EYS: variants seen among roughly 807,000 people sequenced by gnomAD.
The protein encoded by EYS is EGF-like photoreceptor maintenance factor, also known as protein eyes shut homolog.
Under a neutral mutation model 282.1 loss-of-function variants are expected in EYS, and 250 were observed. The observed-to-expected ratio is 0.89, with a 90% CI of 0.80 to 0.98. The LOEUF (loss-of-function observed/expected upper bound fraction) is 0.98. Among genes scored for constraint, EYS ranks in the 50% least tolerant of loss-of-function variants. The pLI is 0.00. For synonymous variants in EYS, 1,355 were observed against 1,282.9 expected, an observed-to-expected ratio of 1.06 and a Z score of -1.20; for missense variants, 4,016 against 3,709.0, an observed-to-expected ratio of 1.08 and a Z score of -2.15.
intron 29 of EYS, among the ~76,000 whole-genome samples, chr6:64,329,814 G>T (rs1325351301): frequency 6.6e-6 from 1 of 152,164 alleles, no homozygotes; most frequent in East Asian, 1.9e-4. Flanking sequence ...AAATAAGGTT[G>T]CAGCTACATT....
chr6:65,567,353 A>T (rs1013115275), intron 2 of EYS, among the ~76,000 whole-genome samples: 25 of 150,878 alleles, frequency 1.7e-4, no homozygotes, highest in Middle Eastern at 3.5e-3. Context: ...AATGGTGACC[A>T]AAATGAAATG....
chr6:64,363,192 T>G (rs1430821215), intron 29 of EYS, among the ~76,000 whole-genome samples: 1 of 151,892 alleles, frequency 6.6e-6, no homozygotes, highest in Non-Finnish European at 1.5e-5. Flanking sequence ...CTGCATATAA[T>G]CAAGTGGTTT....
Position 63,726,950 on chromosome 6 carries a change from C to T in EYS, c.8072-270G>A, listed in dbSNP as rs556757759. On this transcript the variant is annotated intron_variant, in intron 41 of 42. Transcript: ENST00000503581. ...TTGGCCGATACTATCTGACACAAATCTTCTGCTCTAGATTGCATTATATAG... is the reference window on the plus strand; with the variant it reads ...TTGGCCGATACTATCTGACACAAATTTTCTGCTCTAGATTGCATTATATAG... Among the ~76,000 whole-genome samples the T allele has an allele frequency of 2.1e-3, 313 of 152,208 alleles. 1 individual carries two copies. The highest frequency in any genetic ancestry group is 4.0e-3 in the Non-Finnish European group (272 of 67,996).
At chr6:64,664,819 C>G (rs1284054771) in intron 22 of EYS, among the ~76,000 whole-genome samples, 1 of 152,158 alleles carries the variant, frequency 6.6e-6, no homozygotes, top group African/African-American at 2.4e-5. Context: ...TGATCTTGGA[C>G]TTCCCATCCT....
At chr6:63,772,238 G>A (rs1769949260) in intron 40 of EYS, among the ~76,000 whole-genome samples, 1 of 151,846 alleles carries the variant, frequency 6.6e-6, no homozygotes, top group Non-Finnish European at 1.5e-5. Context: ...TTGGCTCACT[G>A]CAGCCTCTGC....
intron 2 of EYS, among the ~76,000 whole-genome samples, chr6:65,588,597 T>G (rs890725296): frequency 5.9e-5 from 9 of 152,062 alleles, no homozygotes; most frequent in Non-Finnish European, 1.0e-4. Flanking sequence ...AGACACAGAA[T>G]TTTACTTAAA....
intron 35 of EYS, among the ~76,000 whole-genome samples, chr6:63,947,758 C>A (rs536430227): frequency 1.4e-4 from 22 of 152,192 alleles, no homozygotes; most frequent in African/African-American, 5.1e-4. Context: ...AAAAAAAATG[C>A]CCCCTGACAG....
chr6:64,613,909 A>G (rs1203840425), intron 24 of EYS, among the ~76,000 whole-genome samples: 1 of 152,126 alleles, frequency 6.6e-6, no homozygotes, highest in East Asian at 1.9e-4. Context: ...CCTCAAGTGA[A>G]ACTATTTTAC....
chr6:64,999,648 G>A (rs1364152249), intron 13 of EYS, among the ~76,000 whole-genome samples: 6 of 152,322 alleles, frequency 3.9e-5, no homozygotes, highest in African/African-American at 1.4e-4. Flanking sequence ...AGACACACAT[G>A]TGGCTGGATG....
chr6:64,730,938 A>C (rs1771941133), intron 22 of EYS: 1 of 152,202 alleles, frequency 6.6e-6, no homozygotes. Flanking sequence ...TTCAATGTCT[A>C]GGATCCATTT....
At chr6:65,357,338 A>G (rs1764525255) in intron 8 of EYS, among the ~76,000 whole-genome samples, 1 of 151,996 alleles carries the variant, frequency 6.6e-6, no homozygotes, top group Non-Finnish European at 1.5e-5. Context: ...TATATGAAAT[A>G]CATTCCTGGC....
At chr6:64,921,952 T>TA (rs537380051) in intron 15 of EYS, among the ~76,000 whole-genome samples, 26 of 151,900 alleles carry the variant, frequency 1.7e-4, no homozygotes, top group Admixed American at 3.3e-4. Flanking sequence ...TGAAAAATTT[T>TA]AAAAAACAAG....
chr6:64,602,557 C>A (rs1335695370), intron 24 of EYS, among the ~76,000 whole-genome samples: 1 of 152,066 alleles, frequency 6.6e-6, no homozygotes, highest in African/African-American at 2.4e-5. Context: ...TACACTCTTT[C>A]TCTTTGTCCT....
At chr6:65,562,929 T>C (rs976811470) in intron 2 of EYS, among the ~76,000 whole-genome samples, 1 of 152,076 alleles carries the variant, frequency 6.6e-6, no homozygotes, top group African/African-American at 2.4e-5. Flanking sequence ...ATACTGATCA[T>C]TGATGCTTCA....
intron 23 of EYS, among the ~76,000 whole-genome samples, chr6:64,619,032 C>T (rs1767363751): frequency 1.3e-5 from 2 of 152,038 alleles, no homozygotes; most frequent in African/African-American, 2.4e-5. Context: ...TATAATAAAA[C>T]TCTAACAAAT....
rs1437195131 is a variant in EYS at position 63,845,388 on chromosome 6, G to A, written c.7228+18798C>T. ...TTTAATCACTATAAAATGATGCAAGGATTTTTTTTTTTTTGGTTAATAAAA... is the reference window on the plus strand; with the variant it reads ...TTTAATCACTATAAAATGATGCAAGAATTTTTTTTTTTTTGGTTAATAAAA... On this transcript the variant is annotated intron_variant, in intron 36 of 42. Coordinates refer to ENST00000503581, the MANE Select transcript of EYS (RefSeq NM_001142800.2). Among the ~76,000 whole-genome samples the A allele has an allele frequency of 5.6e-5, 8 of 142,546 alleles. No homozygotes were observed. The East Asian group carries it at 1.7e-3, about 30-fold the overall frequency. 93.5% of individuals were successfully genotyped at this position (142,546 alleles called of 152,430 possible). A position where few individuals can be genotyped will look rare whatever the true frequency, so the allele number is the denominator to read the frequency against.
At chr6:65,318,203 C>A (rs559691701) in intron 11 of EYS, among the ~76,000 whole-genome samples, 1 of 151,658 alleles carries the variant, frequency 6.6e-6, no homozygotes, top group South Asian at 2.1e-4. Context: ...GCAGTCCTCT[C>A]CATAGAACTG....
chr6:63,915,997 A>G (rs1036420363), intron 35 of EYS, among the ~76,000 whole-genome samples: 1 of 152,240 alleles, frequency 6.6e-6, no homozygotes, highest in African/African-American at 2.4e-5. Flanking sequence ...AATTTAGTTG[A>G]TAAAGCAGTG....
chr6:65,519,292 T>TTGTG (rs559514333), intron 2 of EYS, among the ~76,000 whole-genome samples: 1 of 150,286 alleles, frequency 6.7e-6, no homozygotes, highest in African/African-American at 2.4e-5. Flanking sequence ...CTGTGTGTGT[T>TTGTG]TGTGTGTGTG....
Sources: allele counts gnomAD v4.1 joint callset (sites outside exome capture counted in the v4.1 genomes callset), GRCh38; gene constraint gnomAD v4.1.1; transcripts MANE v1.5; gene names NCBI Gene and HGNC (gene_info 2026-07-23, HGNC 2026-07-21).